The following BRSK1 variants were observed in gnomAD, a reference collection of about 807,000 sequenced individuals.
BRSK1 encodes serine/threonine-protein kinase BRSK1.
A neutral mutation model predicts 86.2 loss-of-function variants in BRSK1; 17 were observed. That is an observed-to-expected ratio of 0.20 (90% CI 0.14 to 0.30). The LOEUF (loss-of-function observed/expected upper bound fraction) is 0.30, where lower values mean the gene tolerates loss of function less well. BRSK1 is among the 10% of genes least tolerant of loss of function. The pLI is 1.00. For synonymous variants in BRSK1, 464 were observed against 440.1 expected, an observed-to-expected ratio of 1.05 and a Z score of -0.68; for missense variants, 719 against 1,071.9, an observed-to-expected ratio of 0.67 and a Z score of 4.60.
intron 4 of BRSK1, among the ~76,000 whole-genome samples, 179 bp from the exon 5 acceptor site, chr19:55,293,838 C>T (rs1348753858): frequency 6.6e-6 from 1 of 151,952 alleles, no homozygotes; most frequent in African/African-American, 2.4e-5. Flanking sequence ...TACATACATA[C>T]ATATGATAAA....
chr19:55,307,789 A>C (rs1237692112), intron 17 of BRSK1, among the ~76,000 whole-genome samples: 1 of 97,916 alleles, frequency 1.0e-5, no homozygotes. Flanking sequence ...CACACACACA[A>C]TTTAAAAAAA....
chr19:55,286,649 A>C (rs559479666), intron 1 of BRSK1, among the ~76,000 whole-genome samples: 10 of 143,228 alleles, frequency 7.0e-5, no homozygotes, highest in African/African-American at 2.5e-4. Flanking sequence ...AGAGACAGAG[A>C]AAGTGGGGGG....
chr19:55,284,448 G>A lies in BRSK1; in HGVS notation c.6G>A (p.Ser2=), dbSNP rs1465615912. 6.2e-6 allele frequency: 8 copies of A among 1,292,410 alleles called. No individual in the cohort carries two copies. The highest frequency in any genetic ancestry group is 3.1e-5 in the East Asian group (1 of 32,160). The allele number at this position is 1,292,410 out of a possible 1,614,324, so 80.1% of individuals were successfully genotyped here. ...GGGCCGGGACCAAGGGCACCATGTC[G>A]TCCGGGGCCAAGGAGGGAGGTGGGG... M[S]SGAKEGGGGS... The change falls in exon 1 of 19, where the codon TCG becomes TCA. Residue 2 remains serine (S), a synonymous_variant. Coordinates refer to ENST00000309383, the MANE Select transcript of BRSK1 (RefSeq NM_032430.2).
chr19:55,304,011 C>T lies in BRSK1; in HGVS notation c.1287-39C>T, dbSNP rs1399945157. 5 of 1,570,426 alleles carry T rather than the reference C, an allele frequency of 3.2e-6. No homozygotes were observed. The highest frequency in any genetic ancestry group is 1.4e-5 in the African/African-American group (1 of 73,232). On this transcript the variant is annotated intron_variant, in intron 12 of 18. Coordinates refer to ENST00000309383, the MANE Select transcript of BRSK1 (RefSeq NM_032430.2). The surrounding 1 kb of genome is among the most constrained non-coding windows in gnomAD (Gnocchi z 5.2). Reference sequence around the variant, plus strand: ...AACATCTGTGGTTTTTGAAACCCTCCCATCTGATTTTTTTTTTTTAAATCT... The same window carrying T: ...AACATCTGTGGTTTTTGAAACCCTCTCATCTGATTTTTTTTTTTTAAATCT...
chr19:55,304,018 A>ATTT lies in BRSK1; in HGVS notation c.1287-22_1287-20dup. 5 of 1,229,044 alleles carry ATTT rather than the reference A, an allele frequency of 4.1e-6. No homozygotes were observed. Among genetic ancestry groups the ATTT allele is most frequent in the African/African-American group, 1.5e-5 (1 of 64,700 alleles). The allele number at this position is 1,229,044 out of a possible 1,614,324, so 76.1% of individuals were successfully genotyped here. On this transcript the variant is annotated intron_variant, in intron 12 of 18. Coordinates refer to ENST00000309383, the MANE Select transcript of BRSK1 (RefSeq NM_032430.2). The surrounding 1 kb of genome is among the most constrained non-coding windows in gnomAD (Gnocchi z 5.2). ...GTGGTTTTTGAAACCCTCCCATCTG[A>ATTT]TTTTTTTTTTTTAAATCTATCCTGG...
chr19:55,301,832 AG>A lies in BRSK1; in HGVS notation c.825+179del, dbSNP rs778917844. On this transcript the variant is annotated intron_variant, in intron 8 of 18. Coordinates refer to ENST00000309383, the MANE Select transcript of BRSK1 (RefSeq NM_032430.2). ...GCACAGCTGCCGCTCCAAACTGGGG[AG>A]GGGGCTACGCAAGATTGGGGCGGGG... 1.9e-3 allele frequency among the ~76,000 whole-genome samples: 284 copies of A among 152,120 alleles called. 1 individual carries two copies. The highest frequency in any genetic ancestry group is 2.0e-3 in the Non-Finnish European group (139 of 67,984).
chr19:55,284,082 G>GT lies in BRSK1; in HGVS notation c.-360dup, dbSNP rs2088270911. The stretch of plus-strand genomic sequence containing the variant: ...GGAGGAGGCGGAGGAGAGAGGGCGC[G>GT]TGGGGGGGCGGGGGGGACCTCGGCC... On this transcript the variant is annotated 5_prime_UTR_variant, in exon 1 of 19. An upstream open reading frame in the 5' UTR loses its in-frame stop. Transcript: ENST00000309383. The GT allele has an allele frequency of 2.8e-6, 3 of 1,082,958 alleles. No individual in the cohort carries two copies. The highest frequency in any genetic ancestry group is 3.5e-6 in the Non-Finnish European group (3 of 852,066). 67.1% of individuals were successfully genotyped at this position (1,082,958 alleles called of 1,614,324 possible).
rs755135302 is a variant in BRSK1 at position 55,306,392 on chromosome 19, G to A, written c.2031G>A (p.Pro677=). 6.8e-6 allele frequency: 11 copies of A among 1,613,940 alleles called. No individual in the cohort carries two copies. The highest frequency in any genetic ancestry group is 4.4e-5 in the South Asian group (4 of 91,074). The change falls in exon 17 of 19, where the codon CCG becomes CCA. Residue 677 remains proline (P), a synonymous_variant. Coordinates refer to ENST00000309383, the MANE Select transcript of BRSK1 (RefSeq NM_032430.2). This position sits in a 1 kb window ranked among gnomAD's most constrained non-coding sequence, Gnocchi z 4.7. ...CCTCTGAGGGTCCAGAGCCCTCCCC[G>A]CGACGGGACGGCAGCGGAGGTGGTG... ...ISSSEGPEPS[P]RRDGSGGGGI... is the part of the protein sequence containing the mutation.
intron 7 of BRSK1, among the ~76,000 whole-genome samples, chr19:55,300,814 C>T (rs920016869): frequency 8.5e-5 from 13 of 152,168 alleles, no homozygotes; most frequent in Admixed American, 8.5e-4. Flanking sequence ...GCACATCAGC[C>T]TGGGCGACAA....
chr19:55,288,165 G>C (rs774726800), intron 3 of BRSK1: 2 of 152,256 alleles, frequency 1.3e-5, no homozygotes, highest in African/African-American at 4.8e-5. Flanking sequence ...AGGAATCCCA[G>C]CCATCTAAGA....
chr19:55,308,556 G>A, intron 17 of BRSK1, 83 bp from the exon 18 acceptor site: 1 of 971,288 alleles, frequency 1.0e-6, no homozygotes, highest in South Asian at 1.3e-5. Context: ...GTGCTTGGTG[G>A]AGGGACTGGG....
rs1462859641 is a variant in BRSK1 at position 55,302,621 on chromosome 19, G to A, written c.858-76G>A. ...GGCCTAGACTCGGATTTCGGGGTCC[G>A]GGATCATTGAGTCTAGAATGAAGAA... On this transcript the variant is annotated intron_variant, in intron 9 of 18. Coordinates refer to ENST00000309383, the MANE Select transcript of BRSK1 (RefSeq NM_032430.2). The surrounding 1 kb of genome is among the most constrained non-coding windows in gnomAD (Gnocchi z 6.3). 9.9e-6 allele frequency: 15 copies of A among 1,521,496 alleles called. No individual in the cohort carries two copies. The highest frequency in any genetic ancestry group is 2.5e-5 in the South Asian group (2 of 79,500). The allele number at this position is 1,521,496 out of a possible 1,614,324, so 94.2% of individuals were successfully genotyped here.
In BRSK1 at chr19:55,302,380, C is replaced by T. The variant is rs2088584579; in HGVS notation, c.857+212C>T. ...GGGCTAAGCTAGGAGTCCAGGACTC[C>T]CAGGTTTGAGGGAAAAAGGGACTGG... On this transcript the variant is annotated intron_variant, in intron 9 of 18. Coordinates refer to ENST00000309383, the MANE Select transcript of BRSK1 (RefSeq NM_032430.2). This position sits in a 1 kb window ranked among gnomAD's most constrained non-coding sequence, Gnocchi z 6.3. 1.6e-6 allele frequency: 1 copy of T among 636,012 alleles called. No homozygotes were observed. The highest frequency in any genetic ancestry group is 2.8e-5 in the Admixed American group (1 of 35,142). 39.4% of individuals were successfully genotyped at this position (636,012 alleles called of 1,614,324 possible).
chr19:55,296,938 C>G (rs1019004240), intron 7 of BRSK1, among the ~76,000 whole-genome samples: 6 of 152,100 alleles, frequency 3.9e-5, no homozygotes, highest in Admixed American at 1.3e-4. Flanking sequence ...ATTGCTTGAG[C>G]CCTGGAGGTC....
At chr19:55,309,317 T>A (rs1395553141) in intron 18 of BRSK1, among the ~76,000 whole-genome samples, 2 of 152,166 alleles carry the variant, frequency 1.3e-5, no homozygotes, top group Non-Finnish European at 2.9e-5. Flanking sequence ...GAATCCGGCC[T>A]TCCCGGGCTC....
rs1047791472 is a variant in BRSK1, at chr19:55,302,595, G to C, written c.858-102G>C. The stretch of plus-strand genomic sequence containing the variant: ...CCTGGGTATGAGAGAGAAGGGGCCG[G>C]GGCCTAGACTCGGATTTCGGGGTCC... On this transcript the variant is annotated intron_variant, in intron 9 of 18. Transcript: ENST00000309383. This position sits in a 1 kb window ranked among gnomAD's most constrained non-coding sequence, Gnocchi z 6.3. 6.3e-6 allele frequency: 9 copies of C among 1,438,220 alleles called. No individual in the cohort carries two copies. In the African/African-American group the frequency reaches 1.0e-4, roughly 16 times the overall value. The allele number at this position is 1,438,220 out of a possible 1,614,324, so 89.1% of individuals were successfully genotyped here. A position where few individuals can be genotyped will look rare whatever the true frequency, so the allele number is the denominator to read the frequency against.
chr19:55,295,013 G>T (rs548343206), intron 7 of BRSK1, among the ~76,000 whole-genome samples: 46 of 152,290 alleles, frequency 3.0e-4, no homozygotes, highest in African/African-American at 1.1e-3. Context: ...TGTTGGCCAG[G>T]TTGGTTTCGA....
chr19:55,289,771 T>C, intron 4 of BRSK1, 151 bp downstream of exon 4: 1 of 1,019,060 alleles, frequency 9.8e-7, no homozygotes. Context: ...AAATTCCTCC[T>C]TTTAGAGTGT....
At chr19:55,298,267 A>G (rs1374897750) in intron 7 of BRSK1, among the ~76,000 whole-genome samples, 1 of 114,742 alleles carries the variant, frequency 8.7e-6, no homozygotes, top group Non-Finnish European at 1.6e-5. Flanking sequence ...TCTGTAGCCC[A>G]GGCTGGAGTG....
Sources: gnomAD v4.1 joint callset for allele counts (sites outside exome capture counted in the v4.1 genomes callset) on GRCh38, gnomAD v4.1.1 for gene constraint, Gnocchi (gnomAD v3.1) non-coding constraint, MANE v1.5 for transcripts, NCBI Gene and HGNC (gene_info 2026-07-23, HGNC 2026-07-21) for gene names.